ALDH7A1: variants seen among roughly 807,000 people sequenced by gnomAD.
ALDH7A1 encodes the protein alpha-aminoadipic semialdehyde dehydrogenase.
Under a neutral mutation model 79.9 loss-of-function variants are expected in ALDH7A1, and 63 were observed. That is an observed-to-expected ratio of 0.79 (90% CI 0.64 to 0.97). The LOEUF is 0.97. Ranked by LOEUF, ALDH7A1 falls within the 50% of genes least tolerant of loss-of-function variation. ALDH7A1 has a pLI of 0.00. For synonymous variants in ALDH7A1, 240 were observed against 231.2 expected (o/e 1.04, Z -0.34); for missense variants, 627 against 665.2 (o/e 0.94, Z 0.63).
At chr5:126,575,580 A>T in intron 6 of ALDH7A1, 116 bp from the exon 7 acceptor site, 1 of 874,448 alleles carries the variant, frequency 1.1e-6, no homozygotes, top group Non-Finnish European at 1.8e-6. Context: ...CCAATTAGAC[A>T]ACTAACAAGT....
At chr5:126,546,442 C>T in intron 16 of ALDH7A1, 43 bp from the exon 17 acceptor site, 1 of 1,561,314 alleles carries the variant, frequency 6.4e-7, no homozygotes, top group Non-Finnish European at 8.8e-7. Flanking sequence ...GAGCAGTTTC[C>T]ATGTGGGCTC....
In ALDH7A1 at chr5:126,583,961, G is replaced by T. The variant is rs370624118; in HGVS notation, c.364C>A (p.Arg122=). 3 of 1,614,028 alleles carry T rather than the reference G, an allele frequency of 1.9e-6. No individual in the cohort carries two copies. The highest frequency in any genetic ancestry group is 2.5e-6 in the Non-Finnish European group (3 of 1,179,958). The change falls in exon 4 of 18, where the codon CGG becomes AGG. Residue 122 remains arginine (R), a synonymous_variant. Transcript: ENST00000409134. ...EIVRQIGDAL[R]EKIQVLGSLV... ...CTTCCTAGTACTTGGATCTTCTCCC[G>T]CAAGGCATCGCCAATCTGTCTTACT...
intron 10 of ALDH7A1, among the ~76,000 whole-genome samples, chr5:126,560,363 C>T (rs1319504564): frequency 2.6e-5 from 4 of 152,022 alleles, no homozygotes; most frequent in African/African-American, 7.2e-5. Context: ...TCCAGCTACT[C>T]GGGAGGCTGA....
chr5:126,552,560 A>G (rs1349785414), intron 13 of ALDH7A1, among the ~76,000 whole-genome samples: 1 of 148,630 alleles, frequency 6.7e-6, no homozygotes, highest in Admixed American at 6.7e-5. Context: ...GCCCAGCTAA[A>G]TTTTTTTTGT....
Position 126,554,410 on chromosome 5 carries a change from A to C in ALDH7A1, c.1094-17T>G, listed in dbSNP as rs1581362641. 6.2e-7 allele frequency: 1 copy of C among 1,609,986 alleles called. No individual in the cohort carries two copies. The highest frequency in any genetic ancestry group is 2.2e-5 in the East Asian group (1 of 44,848). The stretch of plus-strand genomic sequence containing the variant: ...GAACATTAGCTGGAGAGAGAAAAGG[A>C]AGGCTGGCTCATCATTTTGCCCTTT... On this transcript the variant is annotated splice_polypyrimidine_tract_variant and intron_variant, in intron 12 of 17. Coordinates refer to ENST00000409134, the MANE Select transcript of ALDH7A1 (RefSeq NM_001182.5).
At chr5:126,580,252 C>T (rs1021971028) in intron 5 of ALDH7A1, among the ~76,000 whole-genome samples, 2 of 152,054 alleles carry the variant, frequency 1.3e-5, no homozygotes, top group Non-Finnish European at 2.9e-5. Context: ...GAATGTGCCA[C>T]CATGCCCAGC....
At chr5:126,572,808 C>G (rs1305557118) in intron 7 of ALDH7A1, among the ~76,000 whole-genome samples, 1 of 152,170 alleles carries the variant, frequency 6.6e-6, no homozygotes, top group East Asian at 1.9e-4. Flanking sequence ...ATGATTGTGA[C>G]AAGAACACTG....
At chr5:126,548,875 C>T (rs1581355520) in intron 16 of ALDH7A1, among the ~76,000 whole-genome samples, 1 of 106,510 alleles carries the variant, frequency 9.4e-6, no homozygotes, top group South Asian at 3.1e-4. Flanking sequence ...GCCTGGGCAA[C>T]ATAGTGAGGG....
At chr5:126,582,799 G>A (rs546585141) in intron 5 of ALDH7A1, 52 bp downstream of exon 5, 2 of 1,604,760 alleles carry the variant, frequency 1.2e-6, no homozygotes, top group South Asian at 2.2e-5. Flanking sequence ...ATTTTTTTTG[G>A]AGCTCTGTAT....
intron 16 of ALDH7A1, among the ~76,000 whole-genome samples, chr5:126,548,003 T>A (rs1260301381): frequency 6.7e-6 from 1 of 150,088 alleles, no homozygotes; most frequent in African/African-American, 2.5e-5. Flanking sequence ...AGCGAGCCAA[T>A]ATTGCACCAC....
chr5:126,593,467 G>C lies in ALDH7A1; in HGVS notation c.193-63C>G, dbSNP rs746534802. ...TAATCCCTTTTGAAGTAAGGGAATAGACCAAACGGGGAAGAAAAACAAGAG... is the reference window on the plus strand; with the variant it reads ...TAATCCCTTTTGAAGTAAGGGAATACACCAAACGGGGAAGAAAAACAAGAG... On this transcript the variant is annotated intron_variant, in intron 1 of 17. Transcript: ENST00000409134. The C allele has an allele frequency of 5.6e-6, 9 of 1,604,368 alleles. No homozygotes were observed. In the Admixed American group the frequency reaches 8.3e-5, roughly 15 times the overall value.
Position 126,543,335 on chromosome 5 carries a change from GA to G in ALDH7A1, c.*1629del, listed in dbSNP as rs1749675676. On this transcript the variant is annotated 3_prime_UTR_variant, in exon 18 of 18. Transcript: ENST00000409134. ...AAATTTGTTTCAAAGAAAGCTTTCA[GA>G]ATCAGTTTTACCTAAAATCTATAGC... is the stretch of plus-strand genomic sequence containing the variant. The G allele has an allele frequency of 6.6e-6, 1 of 152,130 alleles. No homozygotes were observed. The highest frequency in any genetic ancestry group is 2.4e-5 in the African/African-American group (1 of 41,422). The allele number at this position is 152,130 out of a possible 1,614,324, so 9.4% of individuals were successfully genotyped here.
rs530519966 is a variant in ALDH7A1 at position 126,594,934 on chromosome 5, G to T, written c.192+73C>A. On this transcript the variant is annotated intron_variant, in intron 1 of 17. Coordinates refer to ENST00000409134, the MANE Select transcript of ALDH7A1 (RefSeq NM_001182.5). Reference sequence around the variant, plus strand: ...CCGCATCCAGCGCCAGCGGGGAGTCGGTAGGTCAGTGCCCGCCCGGCCTCC... The same window carrying T: ...CCGCATCCAGCGCCAGCGGGGAGTCTGTAGGTCAGTGCCCGCCCGGCCTCC... 1.4e-5 allele frequency: 21 copies of T among 1,540,684 alleles called. No homozygotes were observed. In the South Asian group the frequency reaches 2.4e-4, roughly 18 times the overall value.
chr5:126,550,164 T>A (rs974854940), intron 15 of ALDH7A1, 32 bp downstream of exon 15: 10 of 1,596,020 alleles, frequency 6.3e-6, no homozygotes, highest in Non-Finnish European at 8.6e-6. Flanking sequence ...AAATCAGACT[T>A]ATATAAATTT....
intron 8 of ALDH7A1, 143 bp from the exon 9 acceptor site, chr5:126,568,499 G>T (rs1256206484): frequency 4.0e-6 from 3 of 750,254 alleles, no homozygotes; most frequent in East Asian, 2.6e-5. Flanking sequence ...GCAAGGGAAG[G>T]TCTTCATGAG....
intron 16 of ALDH7A1, 72 bp downstream of exon 16, chr5:126,549,847 TCTTGGTCAGC>T: frequency 8.0e-7 from 1 of 1,250,578 alleles, no homozygotes; most frequent in Non-Finnish European, 1.2e-6. Context: ...TGTTTCAGTC[TCTTGGTCAGC>T]CTTTTCTAAA....
At chr5:126,578,232 T>C (rs948439854) in intron 5 of ALDH7A1, among the ~76,000 whole-genome samples, 1 of 151,952 alleles carries the variant, frequency 6.6e-6, no homozygotes, top group Non-Finnish European at 1.5e-5. Flanking sequence ...GAGGTTGCAG[T>C]GAGCCGAGAT....
At chr5:126,554,753 C>G (rs537967229) in intron 12 of ALDH7A1, 1 of 352,426 alleles carries the variant, frequency 2.8e-6, no homozygotes, top group African/African-American at 2.1e-5. Flanking sequence ...GCACTGCACT[C>G]AAAATATAGG....
chr5:126,569,784 T>C (rs1265206343), intron 8 of ALDH7A1: 2 of 152,232 alleles, frequency 1.3e-5, no homozygotes, highest in Admixed American at 1.3e-4. Flanking sequence ...TTCTCATTAA[T>C]ATGAAAAACA....
Sources: gnomAD v4.1 joint callset for allele counts (sites outside exome capture counted in the v4.1 genomes callset) on GRCh38, gnomAD v4.1.1 for gene constraint, MANE v1.5 for transcripts, NCBI Gene and HGNC (gene_info 2026-07-23, HGNC 2026-07-21) for gene names.